The following RAD50 variants were observed in gnomAD, a reference collection of about 807,000 sequenced individuals.
The protein encoded by RAD50 is DNA repair protein RAD50.
Under a neutral mutation model 168.8 loss-of-function variants are expected in RAD50, and 132 were observed. The ratio of observed to expected loss-of-function variants is 0.78; its 90% CI spans 0.68 to 0.90. The LOEUF is 0.90. RAD50 is among the 40% of genes least tolerant of loss of function. The pLI is 0.00. For synonymous variants in RAD50, 525 were observed against 497.4 expected, an observed-to-expected ratio of 1.06 and a Z score of -0.74; for missense variants, 1,347 against 1,534.4, an observed-to-expected ratio of 0.88 and a Z score of 2.04.
chr5:132,569,561 G>A (rs535619366), intron 2 of RAD50, among the ~76,000 whole-genome samples: 1 of 152,294 alleles, frequency 6.6e-6, no homozygotes, highest in South Asian at 2.1e-4. Flanking sequence ...ACCCCTCTCA[G>A]TAGAGAAAAG....
At position 132,557,414 on chromosome 5, in the gene RAD50, C is replaced by T. The variant is rs1750022371; in HGVS notation, c.90C>T (p.Pro30=). 3 of 1,614,178 alleles carry T rather than the reference C, an allele frequency of 1.9e-6. No homozygotes were observed. The highest frequency in any genetic ancestry group is 2.5e-6 in the Non-Finnish European group (3 of 1,179,986). ...KDKQIITFFS[P]LTILVGPNGA... ...AGCAAATTATCACTTTCTTCAGCCC[C>T]CTTACAATTTTGGTTGGACCCAATG... The change falls in exon 1 of 25, where the codon CCC becomes CCT. Residue 30 remains proline (P), a synonymous_variant. Transcript: ENST00000378823.
rs144557787 is a variant in RAD50 at position 132,638,112 on chromosome 5, C to G, written c.3507C>G (p.Ala1169=). Residue 1169 remains alanine (A), a synonymous_variant, in exon 23 of 25, where the codon GCC becomes GCG. Transcript: ENST00000378823. ...DIEYIEIRSD[A]DENVSASDKR... ...AATACATAGAAATACGGTCTGATGC[C>G]GATGAAAATGTATCAGCTTCTGATA... is the stretch of plus-strand genomic sequence containing the variant. The G allele has an allele frequency of 6.2e-7, 1 of 1,614,026 alleles. No homozygotes were observed. Among genetic ancestry groups the G allele is most frequent in the East Asian group, 2.2e-5 (1 of 44,878 alleles).
rs575982943 is a variant in RAD50, at chr5:132,566,109, C to T, written c.213+6742C>T. Among the ~76,000 whole-genome samples the T allele has an allele frequency of 1.0e-3, 154 of 152,106 alleles. 1 individual carries two copies. Among genetic ancestry groups the T allele is most frequent in the African/African-American group, 3.6e-3 (148 of 41,484 alleles). On this transcript the variant is annotated intron_variant, in intron 2 of 24. Coordinates refer to ENST00000378823, the MANE Select transcript of RAD50 (RefSeq NM_005732.4). Reference sequence around the variant, plus strand: ...ATAGAAATTGTTCTGAAGTATAATACACATTTCTTTGTTTTAATAATTCAA... The same window carrying T: ...ATAGAAATTGTTCTGAAGTATAATATACATTTCTTTGTTTTAATAATTCAA...
intron 21 of RAD50, among the ~76,000 whole-genome samples, chr5:132,634,051 A>G (rs1335110536): frequency 6.6e-6 from 1 of 151,498 alleles, no homozygotes; most frequent in African/African-American, 2.4e-5. Context: ...TTTCTTTTGT[A>G]TTATCTCTTC....
intron 2 of RAD50, among the ~76,000 whole-genome samples, chr5:132,563,596 A>C (rs1243671755): frequency 6.6e-6 from 1 of 152,146 alleles, no homozygotes; most frequent in Non-Finnish European, 1.5e-5. Flanking sequence ...TTAAAGAGAG[A>C]CCAGCCATCA....
At chr5:132,570,818 C>T (rs1039998747) in intron 2 of RAD50, among the ~76,000 whole-genome samples, 2 of 152,222 alleles carry the variant, frequency 1.3e-5, no homozygotes, top group African/African-American at 2.4e-5. Flanking sequence ...CACAACTCAG[C>T]TAACTGATGA....
In RAD50 at chr5:132,608,641, G is replaced by A. The variant is rs876658662; in HGVS notation, c.2745G>A (p.Leu915=). 10 of 1,596,162 alleles carry A rather than the reference G, an allele frequency of 6.3e-6. No homozygotes were observed. The South Asian group carries it at 1.1e-4, about 18-fold the overall frequency. ...IKDAKEQVSP[L]ETTLEKFQQE... is the part of the protein sequence containing the mutation. ...ATGCTAAAGAGCAGGTAAGCCCTTT[G>A]GAAACAACATTGGAAAAGTTCCAGC... The change falls in exon 17 of 25, where the codon TTG becomes TTA. Residue 915 remains leucine, a synonymous_variant. Coordinates refer to ENST00000378823, the MANE Select transcript of RAD50 (RefSeq NM_005732.4).
At chr5:132,560,108 G>A (rs1332756471) in intron 2 of RAD50, among the ~76,000 whole-genome samples, 2 of 151,778 alleles carry the variant, frequency 1.3e-5, no homozygotes, top group East Asian at 1.9e-4. Flanking sequence ...TTTTTAGTGG[G>A]GTCATGTGCC....
intron 21 of RAD50, among the ~76,000 whole-genome samples, chr5:132,631,277 C>T (rs1272605672): frequency 6.6e-6 from 1 of 152,012 alleles, no homozygotes; most frequent in Admixed American, 6.6e-5. Context: ...CCCACCACCA[C>T]ACCGGCTAAT....
rs876660841 is a variant in RAD50, at chr5:132,603,475, A to G, written c.2383A>G (p.Met795Val). The change falls in exon 14 of 25, where the codon ATG becomes GTG. Residue 795 changes from methionine (M) to valine (V), a missense_variant. Transcript: ENST00000378823. ...AGTATGCCTGACAGATGTTACAATT[A>G]TGGAGAGGTTCCAGGTAAGTTTATT... ...AKVCLTDVTI[M>V]ERFQMELKDV... 20 of 1,613,734 alleles carry G rather than the reference A, an allele frequency of 1.2e-5. No individual in the cohort carries two copies. The highest frequency in any genetic ancestry group is 1.6e-5 in the Non-Finnish European group (19 of 1,179,824).
In RAD50 at chr5:132,645,094, G is replaced by A. The variant is rs770497046; in HGVS notation, c.*2730G>A. On this transcript the variant is annotated 3_prime_UTR_variant, in exon 25 of 25. Transcript: ENST00000378823. ...TTCTATGGTCTTATTCTAGAGCCCC[G>A]TCCTTTTAATAACAATAACTGCACC... 2 of 152,026 alleles carry A rather than the reference G, an allele frequency of 1.3e-5. No homozygotes were observed. Among genetic ancestry groups the A allele is most frequent in the African/African-American group, 4.8e-5 (2 of 41,386 alleles). The allele number at this position is 152,026 out of a possible 1,614,324, so 9.4% of individuals were successfully genotyped here. A position where few individuals can be genotyped will look rare whatever the true frequency, so the allele number is the denominator to read the frequency against.
chr5:132,561,143 C>T (rs1367478933), intron 2 of RAD50, among the ~76,000 whole-genome samples: 1 of 152,098 alleles, frequency 6.6e-6, no homozygotes, highest in Non-Finnish European at 1.5e-5. Context: ...CTCATAGTTT[C>T]CTTCTTTCTC....
intron 5 of RAD50, among the ~76,000 whole-genome samples, chr5:132,586,468 C>G (rs530301190): frequency 2.0e-5 from 3 of 152,128 alleles, no homozygotes; most frequent in African/African-American, 7.2e-5. Flanking sequence ...ATCTCTCTTT[C>G]GTTTAGCTAA....
chr5:132,604,186 G>A (rs1561645355), intron 15 of RAD50, 140 bp downstream of exon 15: 3 of 1,005,312 alleles, frequency 3.0e-6, no homozygotes, highest in East Asian at 2.7e-5. Flanking sequence ...TTTCTGAAAA[G>A]CATCACTTCT....
intron 24 of RAD50, among the ~76,000 whole-genome samples, chr5:132,641,209 A>C (rs995485608): frequency 1.3e-5 from 2 of 152,134 alleles, no homozygotes; most frequent in Non-Finnish European, 2.9e-5. Flanking sequence ...AGCTTTCCAC[A>C]TGTGTCAGAG....
chr5:132,629,552 A>T (rs2149858855), intron 21 of RAD50, among the ~76,000 whole-genome samples: 1 of 152,320 alleles, frequency 6.6e-6, no homozygotes, highest in South Asian at 2.1e-4. Flanking sequence ...ATTCTTCTAA[A>T]TGAAAAGAGG....
Position 132,605,130 on chromosome 5 carries a change from C to T in RAD50, c.2718+131C>T, listed in dbSNP as rs112364014. On this transcript the variant is annotated intron_variant, in intron 16 of 24. Coordinates refer to ENST00000378823, the MANE Select transcript of RAD50 (RefSeq NM_005732.4). Reference sequence around the variant, plus strand: ...CACGATCTCGGCTCACTGCAACCTCCATCTCCTGGGTTCAAGTGATTCTCT... The same window carrying T: ...CACGATCTCGGCTCACTGCAACCTCTATCTCCTGGGTTCAAGTGATTCTCT... The T allele has an allele frequency of 5.5e-3, 3,282 of 592,248 alleles. 95 individuals carry two copies. In the African/African-American group the frequency reaches 0.057, roughly 10 times the overall value. The allele number at this position is 592,248 out of a possible 1,614,324, so 36.7% of individuals were successfully genotyped here.
rs1751767389 is a variant in RAD50 at position 132,643,020 on chromosome 5, CAG to C, written c.*659_*660del. On this transcript the variant is annotated 3_prime_UTR_variant, in exon 25 of 25. Transcript: ENST00000378823. The stretch of plus-strand genomic sequence containing the variant: ...TCCCTTCCAGATGGTCATCCAGACT[CAG>C]AGCTCTCTCTACAGAGAGGAAATTC... 1.9e-6 allele frequency: 1 copy of C among 529,082 alleles called. No homozygotes were observed. The highest frequency in any genetic ancestry group is 1.5e-5 in the South Asian group (1 of 65,022). The allele number at this position is 529,082 out of a possible 1,614,324, so 32.8% of individuals were successfully genotyped here. A position where few individuals can be genotyped will look rare whatever the true frequency, so the allele number is the denominator to read the frequency against.
chr5:132,610,793 CTG>C (rs1410863616), intron 19 of RAD50, among the ~76,000 whole-genome samples: 1 of 152,142 alleles, frequency 6.6e-6, no homozygotes, highest in East Asian at 1.9e-4. Flanking sequence ...AAATCACAAT[CTG>C]TAAATTCGCA....
Sources: allele counts gnomAD v4.1 joint callset (sites outside exome capture counted in the v4.1 genomes callset), GRCh38; gene constraint gnomAD v4.1.1; transcripts MANE v1.5; gene names NCBI Gene and HGNC (gene_info 2026-07-23, HGNC 2026-07-21).